The following SLC4A10 variants were observed in gnomAD, a reference collection of about 807,000 sequenced individuals.
SLC4A10 encodes the protein solute carrier family 4 member 10.
A neutral mutation model predicts 137.7 loss-of-function variants in SLC4A10; 42 were observed. That is an observed-to-expected ratio of 0.30 (90% CI 0.24 to 0.39). The LOEUF is 0.39. SLC4A10 is among the 10% of genes least tolerant of loss of function. The pLI is 1.00. For synonymous variants in SLC4A10, 474 were observed against 464.1 expected (o/e 1.02, Z -0.27); for missense variants, 925 against 1,355.0 (o/e 0.68, Z 4.98).
chr2:161,942,420 A>G (rs1692882537), intron 15 of SLC4A10, among the ~76,000 whole-genome samples: 1 of 152,186 alleles, frequency 6.6e-6, no homozygotes, highest in Non-Finnish European at 1.5e-5. Context: ...TATGCCAGTT[A>G]TAAATCATCT....
chr2:161,958,353 C>G (rs574367749), intron 20 of SLC4A10, 134 bp from the exon 21 acceptor site: 1 of 657,780 alleles, frequency 1.5e-6, no homozygotes, highest in South Asian at 1.9e-5. Flanking sequence ...GAACTTGAAT[C>G]CTTGTCTTCT....
At chr2:161,837,443 G>T (rs2058888244) in intron 3 of SLC4A10, among the ~76,000 whole-genome samples, 1 of 152,084 alleles carries the variant, frequency 6.6e-6, no homozygotes, top group Non-Finnish European at 1.5e-5. Context: ...TGAAATGAAA[G>T]AAGACCTAAA....
chr2:161,676,113 G>A (rs990688136), intron 1 of SLC4A10, among the ~76,000 whole-genome samples: 1 of 152,110 alleles, frequency 6.6e-6, no homozygotes, highest in Admixed American at 6.6e-5. Flanking sequence ...ACACTTTGTG[G>A]GTATGCCTTG....
At chr2:161,705,473 A>C (rs902825185) in intron 1 of SLC4A10, among the ~76,000 whole-genome samples, 5 of 151,612 alleles carry the variant, frequency 3.3e-5, no homozygotes, top group Non-Finnish European at 7.4e-5. Flanking sequence ...AGATGTTCTT[A>C]TGTGCAGCAA....
At chr2:161,936,130 A>G (rs1318456497) in intron 15 of SLC4A10, among the ~76,000 whole-genome samples, 2 of 152,178 alleles carry the variant, frequency 1.3e-5, no homozygotes, top group African/African-American at 4.8e-5. Flanking sequence ...TCTTTGGGAT[A>G]TATCTCACTT....
chr2:161,836,047 C>T (rs544234620), intron 3 of SLC4A10, among the ~76,000 whole-genome samples: 31 of 152,252 alleles, frequency 2.0e-4, no homozygotes, highest in African/African-American at 6.7e-4. Flanking sequence ...TAGATTTATC[C>T]GTGACTGATG....
At chr2:161,915,705 C>G (rs1686964145) in intron 15 of SLC4A10, among the ~76,000 whole-genome samples, 1 of 152,188 alleles carries the variant, frequency 6.6e-6, no homozygotes, top group Admixed American at 6.5e-5. Flanking sequence ...CTTGCTTGTT[C>G]TGGTTCCCAC....
chr2:161,873,838 A>G, intron 7 of SLC4A10, 78 bp from the exon 8 acceptor site: 1 of 1,399,888 alleles, frequency 7.1e-7, no homozygotes. Flanking sequence ...AGTTACGTGC[A>G]TGCTCTCCCT....
intron 1 of SLC4A10, among the ~76,000 whole-genome samples, chr2:161,715,006 CAT>C (rs1337755297): frequency 6.6e-6 from 1 of 151,882 alleles, no homozygotes; most frequent in Non-Finnish European, 1.5e-5. Context: ...TGTACACACA[CAT>C]ACTGTACATC....
At chr2:161,806,509 G>T (rs911684048) in intron 3 of SLC4A10, among the ~76,000 whole-genome samples, 2 of 152,072 alleles carry the variant, frequency 1.3e-5, no homozygotes, top group Admixed American at 1.3e-4. Flanking sequence ...CTTCTTGAAT[G>T]CTTTGCTGCT....
chr2:161,858,833 T>TAAACAACAA (rs2060244989), intron 5 of SLC4A10, among the ~76,000 whole-genome samples: 3 of 152,218 alleles, frequency 2.0e-5, no homozygotes, highest in Non-Finnish European at 4.4e-5. Flanking sequence ...AAACAACCTT[T>TAAACAACAA]GTTGTTTAAA....
intron 15 of SLC4A10, among the ~76,000 whole-genome samples, chr2:161,941,888 G>C (rs1692769966): frequency 6.6e-6 from 1 of 152,156 alleles, no homozygotes; most frequent in Admixed American, 6.6e-5. Flanking sequence ...CCTCCCTGGA[G>C]AATCCTCCAA....
intron 12 of SLC4A10, 27 bp downstream of exon 12, chr2:161,901,038 T>A (rs1559494950): frequency 6.8e-7 from 1 of 1,472,900 alleles, no homozygotes; most frequent in Admixed American, 2.0e-5. Flanking sequence ...TCTATGGGAC[T>A]TCAAGGACCA....
chr2:161,703,269 G>T (rs1326066619), intron 1 of SLC4A10, among the ~76,000 whole-genome samples: 5 of 151,526 alleles, frequency 3.3e-5, no homozygotes, highest in African/African-American at 4.8e-5. Flanking sequence ...TGGAAAAAAT[G>T]GGAAAGTCAA....
At chr2:161,770,694 T>A (rs554658376) in intron 1 of SLC4A10, among the ~76,000 whole-genome samples, 44 of 151,936 alleles carry the variant, frequency 2.9e-4, no homozygotes, top group Non-Finnish European at 6.3e-4. Context: ...AATAACTATT[T>A]TTTTTTGTTT....
At chr2:161,851,228 T>C (rs75938076) in intron 4 of SLC4A10, among the ~76,000 whole-genome samples, 1 of 152,176 alleles carries the variant, frequency 6.6e-6, no homozygotes, top group Non-Finnish European at 1.5e-5. Context: ...GTTAGGTTCA[T>C]TTGGTCAAGT....
intron 1 of SLC4A10, among the ~76,000 whole-genome samples, chr2:161,747,803 G>A (rs927590745): frequency 2.0e-5 from 3 of 152,104 alleles, no homozygotes; most frequent in Admixed American, 1.3e-4. Flanking sequence ...TTCTTTGAAT[G>A]TACACCTGGA....
At chr2:161,923,774 T>G (rs1338215018) in intron 15 of SLC4A10, among the ~76,000 whole-genome samples, 3 of 151,784 alleles carry the variant, frequency 2.0e-5, no homozygotes, top group Non-Finnish European at 4.4e-5. Flanking sequence ...TGTATACATA[T>G]GTAACAAACC....
chr2:161,666,960 A>C (rs1051490442), intron 1 of SLC4A10, among the ~76,000 whole-genome samples: 1 of 151,624 alleles, frequency 6.6e-6, no homozygotes, highest in Non-Finnish European at 1.5e-5. Context: ...TTTAGTTTTA[A>C]GATGTGAATG....
Sources: gnomAD v4.1 joint callset for allele counts (sites outside exome capture counted in the v4.1 genomes callset) on GRCh38, gnomAD v4.1.1 for gene constraint, MANE v1.5 for transcripts, NCBI Gene and HGNC (gene_info 2026-07-23, HGNC 2026-07-21) for gene names.